The following PRSS12 variants were observed in gnomAD, a reference collection of about 807,000 sequenced individuals.
PRSS12 encodes serine protease 12, also known as neurotrypsin.
Under a neutral mutation model 104.4 loss-of-function variants are expected in PRSS12, and 85 were observed. The observed-to-expected ratio is 0.81, with a 90% CI of 0.68 to 0.98. PRSS12 has a LOEUF of 0.98. Ranked by LOEUF, PRSS12 falls within the 50% of genes least tolerant of loss-of-function variation. The pLI is 0.00. For missense variants in PRSS12, 1,141 were observed against 1,139.2 expected, an observed-to-expected ratio of 1.00 and a Z score of -0.02; for synonymous variants, 454 against 425.2, an observed-to-expected ratio of 1.07 and a Z score of -0.83.
chr4:118,349,646 CATAAT>C (rs1275831776), intron 1 of PRSS12, among the ~76,000 whole-genome samples: 1 of 152,182 alleles, frequency 6.6e-6, no homozygotes, highest in Non-Finnish European at 1.5e-5. Context: ...CTATACTCCT[CATAAT>C]ATGTCTTCAC....
In PRSS12 at chr4:118,352,886, G is replaced by A. The variant is rs1724564009; in HGVS notation, c.-166C>T. The A allele has an allele frequency of 1.4e-6, 2 of 1,414,682 alleles. No individual in the cohort carries two copies. The highest frequency in any genetic ancestry group is 1.8e-6 in the Non-Finnish European group (2 of 1,087,800). The allele number at this position is 1,414,682 out of a possible 1,614,324, so 87.6% of individuals were successfully genotyped here. On this transcript the variant is annotated 5_prime_UTR_variant, in exon 1 of 13. Transcript: ENST00000296498. Reference sequence around the variant, plus strand: ...CTCCCCAACCTTGCCTCCCGCCGCTGGTGCCCTGCCGCGCCTCGGCTCCTG... The same window carrying A: ...CTCCCCAACCTTGCCTCCCGCCGCTAGTGCCCTGCCGCGCCTCGGCTCCTG...
chr4:118,320,904 A>G (rs1052120873), intron 4 of PRSS12, among the ~76,000 whole-genome samples: 2 of 152,318 alleles, frequency 1.3e-5, no homozygotes, highest in Admixed American at 6.5e-5. Context: ...AAAGAATATT[A>G]TAGGAGGTAT....
chr4:118,352,500 G>A lies in PRSS12; in HGVS notation c.221C>T (p.Ala74Val), dbSNP rs778507174. 3.5e-6 allele frequency: 5 copies of A among 1,432,960 alleles called. No individual in the cohort carries two copies. The highest frequency in any genetic ancestry group is 2.9e-5 in the East Asian group (1 of 34,330). The allele number at this position is 1,432,960 out of a possible 1,614,324, so 88.8% of individuals were successfully genotyped here. The change falls in exon 1 of 13, where the codon GCC becomes GTC. Residue 74 changes from alanine (A) to valine (V), a missense_variant. Coordinates refer to ENST00000296498, the MANE Select transcript of PRSS12 (RefSeq NM_003619.4). Reference sequence around the variant, plus strand: ...GGCCTGGAGGGCGTGCGGGCGCTGGGCAGGGAGCGCCCGCGGGGGGCGCGG... The same window carrying A: ...GGCCTGGAGGGCGTGCGGGCGCTGGACAGGGAGCGCCCGCGGGGGGCGCGG... Reference protein sequence around the residue: ...RFPRPPRALPAQRPHALQAGH... With the variant: ...RFPRPPRALPVQRPHALQAGH...
intron 1 of PRSS12, among the ~76,000 whole-genome samples, chr4:118,350,088 T>C (rs1422372518): frequency 6.6e-6 from 1 of 152,186 alleles, no homozygotes; most frequent in Non-Finnish European, 1.5e-5. Context: ...ACAGAATGAA[T>C]GCACAGTAAG....
intron 3 of PRSS12, among the ~76,000 whole-genome samples, chr4:118,334,067 G>A (rs1248078874): frequency 6.6e-6 from 1 of 152,136 alleles, no homozygotes; most frequent in East Asian, 1.9e-4. Flanking sequence ...TTTAAGGGAA[G>A]TATACTAAAG....
At chr4:118,283,726 T>C (rs983640707) in intron 11 of PRSS12, among the ~76,000 whole-genome samples, 1 of 152,196 alleles carries the variant, frequency 6.6e-6, no homozygotes, top group Admixed American at 6.5e-5. Context: ...TCTTTCTTTT[T>C]CCTCCCATCA....
chr4:118,301,761 T>TTATC (rs948118669), intron 8 of PRSS12, among the ~76,000 whole-genome samples: 1 of 152,196 alleles, frequency 6.6e-6, no homozygotes, highest in African/African-American at 2.4e-5. Flanking sequence ...TATTTTCTAC[T>TTATC]TATCCCACAG....
intron 4 of PRSS12, among the ~76,000 whole-genome samples, chr4:118,329,972 T>C (rs1723875884): frequency 6.6e-6 from 1 of 152,148 alleles, no homozygotes; most frequent in Non-Finnish European, 1.5e-5. Context: ...AAAAATCTTG[T>C]CTCATAAACG....
intron 7 of PRSS12, 178 bp downstream of exon 7, chr4:118,313,023 G>A (rs1376554363): frequency 1.4e-6 from 1 of 695,666 alleles, no homozygotes; most frequent in East Asian, 2.8e-5. Flanking sequence ...TCATAATGTT[G>A]GCGCACAGAC....
intron 1 of PRSS12, among the ~76,000 whole-genome samples, chr4:118,351,920 AGC>A (rs1724515647): frequency 6.6e-6 from 1 of 151,888 alleles, no homozygotes; most frequent in Non-Finnish European, 1.5e-5. Flanking sequence ...CCAATACACG[AGC>A]GCACACACAC....
chr4:118,342,406 G>A (rs1724237779), intron 1 of PRSS12, among the ~76,000 whole-genome samples: 3 of 152,136 alleles, frequency 2.0e-5, no homozygotes, highest in Admixed American at 6.6e-5. Context: ...CGATACTCTA[G>A]TCAGAGCTTG....
At chr4:118,348,449 CTG>C (rs1033046686) in intron 1 of PRSS12, among the ~76,000 whole-genome samples, 33 of 152,322 alleles carry the variant, frequency 2.2e-4, no homozygotes, top group East Asian at 2.1e-3. Flanking sequence ...TTCTGCCTGA[CTG>C]TGACAGAGTT....
intron 6 of PRSS12, among the ~76,000 whole-genome samples, chr4:118,313,925 T>C (rs1367876408): frequency 6.6e-6 from 1 of 152,228 alleles, no homozygotes; most frequent in Non-Finnish European, 1.5e-5. Flanking sequence ...TAGCTTTTCA[T>C]AAGGTATACA....
chr4:118,318,622 T>C (rs1158114337), intron 4 of PRSS12, 66 bp from the exon 5 acceptor site: 2 of 1,502,442 alleles, frequency 1.3e-6, no homozygotes, highest in Non-Finnish European at 1.8e-6. Flanking sequence ...TATTTTTTTT[T>C]TGTCCCTAGT....
chr4:118,338,650 T>C (rs1274501086), intron 1 of PRSS12, among the ~76,000 whole-genome samples: 1 of 152,192 alleles, frequency 6.6e-6, no homozygotes, highest in African/African-American at 2.4e-5. Flanking sequence ...AGTGGAAGAA[T>C]GACTAATATC....
At chr4:118,287,605 T>C (rs1301539729) in intron 11 of PRSS12, among the ~76,000 whole-genome samples, 1 of 152,194 alleles carries the variant, frequency 6.6e-6, no homozygotes, top group Non-Finnish European at 1.5e-5. Flanking sequence ...TCCAACCAAA[T>C]TTTTGTCTTC....
chr4:118,286,386 T>C (rs567168643), intron 11 of PRSS12, among the ~76,000 whole-genome samples: 1 of 152,260 alleles, frequency 6.6e-6, no homozygotes, highest in South Asian at 2.1e-4. Flanking sequence ...TGCAATGTTG[T>C]TTCTCTCATC....
At chr4:118,332,283 G>C (rs1723945700) in intron 3 of PRSS12, among the ~76,000 whole-genome samples, 1 of 152,036 alleles carries the variant, frequency 6.6e-6, no homozygotes, top group African/African-American at 2.4e-5. Context: ...TAACATACTT[G>C]TTTTCAGTAT....
chr4:118,335,568 T>A lies in PRSS12; in HGVS notation c.725A>T (p.Asp242Val). 2 of 1,614,036 alleles carry A rather than the reference T, an allele frequency of 1.2e-6. No individual in the cohort carries two copies. Among genetic ancestry groups the A allele is most frequent in the Non-Finnish European group, 1.7e-6 (2 of 1,179,982 alleles). Residue 242 changes from aspartate (D) to valine (V), a missense_variant, in exon 3 of 13, where the codon GAT (aspartate) becomes GTT (valine). Transcript: ENST00000296498. ...IYWSNVRCRG[D>V]EENILLCEKD... ...TTCACAAAGCAGTATATTTTCTTCA[T>A]CTCCTCGGCAACGGACATTGCTCCA...
Sources: allele counts gnomAD v4.1 joint callset (sites outside exome capture counted in the v4.1 genomes callset), GRCh38; gene constraint gnomAD v4.1.1; transcripts MANE v1.5; gene names NCBI Gene and HGNC (gene_info 2026-07-23, HGNC 2026-07-21).